The following NRG3 variants were observed in gnomAD, a reference collection of about 807,000 sequenced individuals.
NRG3 encodes pro-neuregulin-3, membrane-bound isoform.
In NRG3, 31 loss-of-function variants were observed where a neutral mutation model predicts 66.9. The ratio of observed to expected loss-of-function variants is 0.46; its 90% CI spans 0.35 to 0.63. The LOEUF (loss-of-function observed/expected upper bound fraction) is 0.63. Ranked by LOEUF, NRG3 falls within the 20% of genes least tolerant of loss-of-function variation. The pLI is 0.00. For synonymous variants in NRG3, 393 were observed against 359.4 expected, an observed-to-expected ratio of 1.09 and a Z score of -1.06; for missense variants, 910 against 878.9, an observed-to-expected ratio of 1.04 and a Z score of -0.45.
intron 1 of NRG3, 126 bp from the exon 2 acceptor site, chr10:82,358,613 T>A (rs749939007): frequency 2.3e-6 from 3 of 1,293,054 alleles, no homozygotes; most frequent in East Asian, 4.7e-5. Context: ...TGGAGCTGTC[T>A]GTCTAGAGTC....
chr10:82,135,462 C>T (rs1461042479), intron 1 of NRG3, among the ~76,000 whole-genome samples: 1 of 152,044 alleles, frequency 6.6e-6, no homozygotes, highest in African/African-American at 2.4e-5. Context: ...CTTTTTAAGG[C>T]AAATAACTCT....
chr10:82,426,383 C>T (rs1309918748), intron 2 of NRG3, among the ~76,000 whole-genome samples: 2 of 151,788 alleles, frequency 1.3e-5, no homozygotes, highest in African/African-American at 2.4e-5. Context: ...TAGTGGCTTC[C>T]GTTGTTCCTT....
chr10:82,091,928 A>C (rs901253239), intron 1 of NRG3, among the ~76,000 whole-genome samples: 3 of 152,178 alleles, frequency 2.0e-5, no homozygotes, highest in African/African-American at 7.2e-5. Flanking sequence ...TGCACCTATT[A>C]GTCATCAATA....
intron 2 of NRG3, among the ~76,000 whole-genome samples, chr10:82,568,781 C>T (rs932253098): frequency 6.6e-6 from 1 of 151,768 alleles, no homozygotes; most frequent in Admixed American, 6.6e-5. Context: ...TCCTTGTTGT[C>T]GTTGACACTC....
intron 2 of NRG3, among the ~76,000 whole-genome samples, chr10:82,505,055 T>G (rs1844545884): frequency 6.6e-6 from 1 of 152,238 alleles, no homozygotes; most frequent in African/African-American, 2.4e-5. Context: ...ATAGTGAAAG[T>G]AATGATCTAG....
chr10:81,989,102 G>T (rs1405085025), intron 1 of NRG3, among the ~76,000 whole-genome samples: 1 of 152,118 alleles, frequency 6.6e-6, no homozygotes, highest in Non-Finnish European at 1.5e-5. Context: ...ATTAGATGGG[G>T]TGAGGGAAAA....
chr10:82,019,682 A>G (rs1487614425), intron 1 of NRG3, among the ~76,000 whole-genome samples: 1 of 152,154 alleles, frequency 6.6e-6, no homozygotes, highest in Non-Finnish European at 1.5e-5. Flanking sequence ...GTATGTGTCG[A>G]GGAATTTATC....
At chr10:81,969,314 CAAAA>C (rs1331153185) in intron 1 of NRG3, among the ~76,000 whole-genome samples, 1 of 152,134 alleles carries the variant, frequency 6.6e-6, no homozygotes, top group African/African-American at 2.4e-5. Flanking sequence ...AAACAAAAAA[CAAAA>C]TAACAGCTGT....
At chr10:82,194,932 C>T (rs955989212) in intron 1 of NRG3, among the ~76,000 whole-genome samples, 1 of 152,138 alleles carries the variant, frequency 6.6e-6, no homozygotes, top group Non-Finnish European at 1.5e-5. Flanking sequence ...CCTTTGAAAA[C>T]TTCCTCTCTC....
chr10:82,588,074 A>G (rs1001792409), intron 2 of NRG3, among the ~76,000 whole-genome samples: 13 of 152,200 alleles, frequency 8.5e-5, no homozygotes. Context: ...TTGGCAGACA[A>G]GTACAAGTGA....
chr10:82,010,063 A>G (rs1326126214), intron 1 of NRG3, among the ~76,000 whole-genome samples: 1 of 152,206 alleles, frequency 6.6e-6, no homozygotes, highest in Non-Finnish European at 1.5e-5. Flanking sequence ...CTGTGTCCAC[A>G]ATGCAGAACT....
Position 82,346,261 on chromosome 10 carries a change from G to A in NRG3, c.824-12478G>A, listed in dbSNP as rs1035293003. 1.2e-3 allele frequency among the ~76,000 whole-genome samples: 176 copies of A among 150,452 alleles called. 1 individual carries two copies. The highest frequency in any genetic ancestry group is 4.1e-3 in the African/African-American group (166 of 40,226). ...CCCATCAATATCTAATTTATTGAGA[G>A]TTTTTAGCATGAAGGGTTGTTGAAT... is the stretch of plus-strand genomic sequence containing the variant. On this transcript the variant is annotated intron_variant, in intron 1 of 8. Coordinates refer to ENST00000372141, the MANE Select transcript of NRG3 (RefSeq NM_001010848.4).
intron 1 of NRG3, among the ~76,000 whole-genome samples, chr10:82,241,505 C>T (rs980671104): frequency 1.7e-4 from 26 of 152,084 alleles, no homozygotes; most frequent in African/African-American, 5.8e-4. Flanking sequence ...CTAAGCTAAA[C>T]ATTACTCATA....
chr10:82,588,691 T>C (rs1387545217), intron 2 of NRG3, among the ~76,000 whole-genome samples: 1 of 151,988 alleles, frequency 6.6e-6, no homozygotes, highest in East Asian at 1.9e-4. Flanking sequence ...TTAGTAGAGA[T>C]GGGGTTTCAC....
chr10:82,086,571 A>G (rs1011485255), intron 1 of NRG3, among the ~76,000 whole-genome samples: 10 of 152,090 alleles, frequency 6.6e-5, no homozygotes, highest in Non-Finnish European at 1.0e-4. Flanking sequence ...TTGAACCAGT[A>G]TAATCCCTGA....
In NRG3 at chr10:82,687,348, T is replaced by A. The variant is rs559259103; in HGVS notation, c.954-51229T>A. ...TAATTAACATTCCTCCATCACTGCA[T>A]CCCTGCTTGTAATTATTCTTCATGC... On this transcript the variant is annotated intron_variant, in intron 2 of 8. Coordinates refer to ENST00000372141, the MANE Select transcript of NRG3 (RefSeq NM_001010848.4). Among the ~76,000 whole-genome samples the A allele has an allele frequency of 3.7e-4, 56 of 152,226 alleles. No homozygotes were observed. The South Asian group carries it at 0.01, about 28-fold the overall frequency.
intron 2 of NRG3, among the ~76,000 whole-genome samples, chr10:82,618,339 T>C (rs2048805181): frequency 6.6e-6 from 1 of 151,990 alleles, no homozygotes; most frequent in African/African-American, 2.4e-5. Flanking sequence ...GGGGAATTTA[T>C]GCGGGGAGTT....
At chr10:82,032,023 TAGG>T (rs1336100833) in intron 1 of NRG3, among the ~76,000 whole-genome samples, 4 of 152,062 alleles carry the variant, frequency 2.6e-5, no homozygotes, top group African/African-American at 4.8e-5. Flanking sequence ...TGTTCCTTGT[TAGG>T]AGAAGTAGAA....
chr10:81,899,955 C>T (rs1022342329), intron 1 of NRG3, among the ~76,000 whole-genome samples: 16 of 151,690 alleles, frequency 1.1e-4, no homozygotes, highest in African/African-American at 2.7e-4. Context: ...ATGTATGGCA[C>T]CCTAGGTTTT....
Sources: gnomAD v4.1 joint callset for allele counts (sites outside exome capture counted in the v4.1 genomes callset) on GRCh38, gnomAD v4.1.1 for gene constraint, MANE v1.5 for transcripts, NCBI Gene and HGNC (gene_info 2026-07-23, HGNC 2026-07-21) for gene names.